Variants in PRIM2 observed in about 807,000 individuals in gnomAD.
PRIM2 encodes the protein DNA primase large subunit.
A neutral mutation model predicts 67.3 loss-of-function variants in PRIM2; 39 were observed. That is an observed-to-expected ratio of 0.58 (90% CI 0.45 to 0.76). The LOEUF is 0.76. PRIM2 is among the 30% of genes least tolerant of loss of function. PRIM2 has a pLI of 0.00. For missense variants in PRIM2, 398 were observed against 598.7 expected (o/e 0.66, Z 3.50); for synonymous variants, 143 against 198.7 (o/e 0.72, Z 2.36).
chr6:57,340,699 A>T lies in PRIM2; in HGVS notation c.459+14654A>T, dbSNP rs539943855. Among the ~76,000 whole-genome samples the T allele has an allele frequency of 3.0e-3, 463 of 152,084 alleles. 2 individuals are homozygous for T. The highest frequency in any genetic ancestry group is 0.01 in the Middle Eastern group (3 of 294). Reference sequence around the variant, plus strand: ...GCAAGGGGAACATCACACTCTGGGGACTGTTGTGGGGTGGGGGTAGGGGTG... The same window carrying T: ...GCAAGGGGAACATCACACTCTGGGGTCTGTTGTGGGGTGGGGGTAGGGGTG... On this transcript the variant is annotated intron_variant, in intron 5 of 13. Transcript: ENST00000615550.
the PRIM2 span, among the ~76,000 whole-genome samples, chr6:57,309,701 A>T: frequency 6.6e-6 from 1 of 152,266 alleles, no homozygotes; most frequent in East Asian, 1.9e-4. Context: ...TGGCTGGGTC[A>T]AATGGTATTT....
the PRIM2 span, among the ~76,000 whole-genome samples, chr6:57,306,804 A>C: frequency 6.6e-6 from 1 of 152,230 alleles, no homozygotes; most frequent in Non-Finnish European, 1.5e-5. Context: ...TCCCACTGAC[A>C]GTATGTACTC....
chr6:57,537,737 T>C, intron 10 of PRIM2, 112 bp downstream of exon 10: 1 of 541,286 alleles, frequency 1.8e-6, no homozygotes, highest in South Asian at 8.0e-5. Flanking sequence ...TTGAAAATTC[T>C]AAAAGGATAA....
intron 7 of PRIM2, among the ~76,000 whole-genome samples, chr6:57,391,745 A>G (rs1770353268): frequency 6.6e-6 from 1 of 152,078 alleles, no homozygotes; most frequent in African/African-American, 2.4e-5. Flanking sequence ...TACCTGTACC[A>G]TGCTGTTTTG....
At chr6:57,593,079 C>T (rs1201718195) in intron 10 of PRIM2, among the ~76,000 whole-genome samples, 3 of 152,030 alleles carry the variant, frequency 2.0e-5, no homozygotes, top group African/African-American at 7.2e-5. Flanking sequence ...CATCATTTAA[C>T]ATAATGCCTC....
intron 5 of PRIM2, among the ~76,000 whole-genome samples, chr6:57,361,840 A>G (rs1769211342): frequency 6.6e-6 from 1 of 152,226 alleles, no homozygotes; most frequent in African/African-American, 2.4e-5. Context: ...TTCAGGAAAC[A>G]GAACAAGGTA....
intron 7 of PRIM2, among the ~76,000 whole-genome samples, chr6:57,484,452 G>A (rs1450494828): frequency 9.9e-5 from 15 of 152,142 alleles, no homozygotes; most frequent in African/African-American, 3.6e-4. Flanking sequence ...GGACTGAGAA[G>A]AAACTCATGT....
chr6:57,614,035 C>T, intron 12 of PRIM2, among the ~76,000 whole-genome samples: 1 of 151,998 alleles, frequency 6.6e-6, no homozygotes, highest in Non-Finnish European at 1.5e-5. Context: ...ATCAGAGGTC[C>T]CCAACCCCTG....
chr6:57,239,331 C>T, the PRIM2 span, among the ~76,000 whole-genome samples: 1 of 152,146 alleles, frequency 6.6e-6, no homozygotes, highest in Non-Finnish European at 1.5e-5. Flanking sequence ...TTATAGTTCC[C>T]AATACGTATC....
the PRIM2 span, among the ~76,000 whole-genome samples, chr6:57,280,225 G>T: frequency 6.6e-6 from 1 of 152,158 alleles, no homozygotes; most frequent in Non-Finnish European, 1.5e-5. Flanking sequence ...GGCATAAAGA[G>T]AAAATATGTC....
At chr6:57,505,510 A>T (rs1774231514) in intron 7 of PRIM2, among the ~76,000 whole-genome samples, 1 of 152,182 alleles carries the variant, frequency 6.6e-6, no homozygotes, top group African/African-American at 2.4e-5. Context: ...CTAAAAGGAA[A>T]ATTTTAAGAA....
At chr6:57,230,826 T>C in the PRIM2 span, among the ~76,000 whole-genome samples, 1 of 152,182 alleles carries the variant, frequency 6.6e-6, no homozygotes, top group African/African-American at 2.4e-5. Flanking sequence ...CCAGTTTGGT[T>C]ATAAGTATCT....
chr6:57,238,287 T>C, the PRIM2 span, among the ~76,000 whole-genome samples: 18 of 152,272 alleles, frequency 1.2e-4, no homozygotes, highest in African/African-American at 4.1e-4. Flanking sequence ...ATCACACTTA[T>C]TCCAAAATTG....
the PRIM2 span, among the ~76,000 whole-genome samples, chr6:57,249,150 C>T: frequency 6.6e-6 from 1 of 152,024 alleles, no homozygotes; most frequent in Non-Finnish European, 1.5e-5. Flanking sequence ...AAATAATTCT[C>T]CAAAAACATT....
chr6:57,281,675 A>T, the PRIM2 span, among the ~76,000 whole-genome samples: 1 of 152,140 alleles, frequency 6.6e-6, no homozygotes, highest in Non-Finnish European at 1.5e-5. Context: ...GGAATTCTGG[A>T]CAAAAGTAGC....
intron 10 of PRIM2, among the ~76,000 whole-genome samples, chr6:57,588,612 A>C (rs1468689056): frequency 1.3e-5 from 2 of 151,778 alleles, no homozygotes; most frequent in African/African-American, 4.8e-5. Flanking sequence ...GTTGAGATCA[A>C]TGGGAGCCTT....
the PRIM2 span, among the ~76,000 whole-genome samples, chr6:57,241,879 A>G: frequency 1.2e-3 from 189 of 152,062 alleles, no homozygotes; most frequent in South Asian, 3.7e-3. Flanking sequence ...TCACCATGTT[A>G]GCCAGGATGG....
chr6:57,478,426 G>A (rs1773531956), intron 7 of PRIM2, among the ~76,000 whole-genome samples: 1 of 150,340 alleles, frequency 6.7e-6, no homozygotes. Context: ...CTGCAGCCTC[G>A]AACTCCTGTG....
chr6:57,328,165 G>A (rs748860791), intron 5 of PRIM2, among the ~76,000 whole-genome samples: 9 of 152,152 alleles, frequency 5.9e-5, no homozygotes, highest in African/African-American at 9.7e-5. Flanking sequence ...GTGTCTCAGC[G>A]TCACATATAC....
Sources: allele counts gnomAD v4.1 joint callset (sites outside exome capture counted in the v4.1 genomes callset), GRCh38; gene constraint gnomAD v4.1.1; transcripts MANE v1.5; gene names NCBI Gene and HGNC (gene_info 2026-07-23, HGNC 2026-07-21).